The following EPG5 variants were observed in gnomAD, a reference collection of about 807,000 sequenced individuals.
EPG5 encodes the protein ectopic P-granules 5 autophagy tethering factor.
Under a neutral mutation model 302.7 loss-of-function variants are expected in EPG5, and 159 were observed. The observed-to-expected ratio is 0.53, with a 90% CI of 0.46 to 0.60. The LOEUF is 0.60. Among genes scored for constraint, EPG5 ranks in the 20% least tolerant of loss-of-function variants. EPG5 has a pLI of 0.00. For synonymous variants in EPG5, 1,158 were observed against 1,136.8 expected (o/e 1.02, Z -0.37); for missense variants, 2,896 against 3,092.4 (o/e 0.94, Z 1.51).
chr18:45,959,100 C>T (rs1222227367), intron 1 of EPG5, among the ~76,000 whole-genome samples: 1 of 152,206 alleles, frequency 6.6e-6, no homozygotes, highest in South Asian at 2.1e-4. Flanking sequence ...TGTTCTGTGT[C>T]AATTACTCTT....
At chr18:45,856,330 G>A (rs1360504574) in intron 42 of EPG5, among the ~76,000 whole-genome samples, 1 of 152,202 alleles carries the variant, frequency 6.6e-6, no homozygotes, top group Non-Finnish European at 1.5e-5. Context: ...TATATGAAAT[G>A]TCCAAAATAG....
chr18:45,835,330 T>C, the EPG5 span, among the ~76,000 whole-genome samples: 15 of 152,144 alleles, frequency 9.9e-5, no homozygotes, highest in Non-Finnish European at 4.4e-5. Flanking sequence ...AAAGTATACT[T>C]AAAATGACCC....
At chr18:45,932,940 G>A (rs1313732478) in intron 11 of EPG5, among the ~76,000 whole-genome samples, 1 of 152,084 alleles carries the variant, frequency 6.6e-6, no homozygotes. Flanking sequence ...GAGCTGAGCT[G>A]TTTGACATCG....
chr18:45,919,917 T>G lies in EPG5; in HGVS notation c.3099-2098A>C, dbSNP rs556953759. ...AAGTACAGGAAGCCGTTAATAACAC[T>G]AGAGCTACTGGAAACAATATAAAGA... is the stretch of plus-strand genomic sequence containing the variant. On this transcript the variant is annotated intron_variant, in intron 16 of 43. Coordinates refer to ENST00000282041, the MANE Select transcript of EPG5 (RefSeq NM_020964.3). Among the ~76,000 whole-genome samples, 8 of 152,336 alleles carry G rather than the reference T, an allele frequency of 5.3e-5. No individual in the cohort carries two copies. The South Asian group carries it at 1.7e-3, about 32-fold the overall frequency.
chr18:45,938,554 G>A (rs1199626285), intron 10 of EPG5, among the ~76,000 whole-genome samples: 1 of 151,814 alleles, frequency 6.6e-6, no homozygotes, highest in Non-Finnish European at 1.5e-5. Flanking sequence ...TTAACACTTA[G>A]CTAAGACCTC....
chr18:45,841,572 G>C, the EPG5 span, among the ~76,000 whole-genome samples: 181 of 152,298 alleles, frequency 1.2e-3, 1 homozygote, highest in Middle Eastern at 0.017. Context: ...GTGCAGGGGT[G>C]GCGGTGGGGA....
At chr18:45,873,104 T>TAA (rs2048905037) in intron 35 of EPG5, among the ~76,000 whole-genome samples, 1 of 152,240 alleles carries the variant, frequency 6.6e-6, no homozygotes, top group African/African-American at 2.4e-5. Flanking sequence ...GTTTCCTTTC[T>TAA]TTGAACCCAG....
At chr18:45,839,093 C>T in the EPG5 span, 1 of 1,401,786 alleles carries the variant, frequency 7.1e-7, no homozygotes, top group South Asian at 1.6e-5. Flanking sequence ...CGCCGCCGCC[C>T]AGGTGGGTGC....
chr18:45,829,320 C>G, the EPG5 span: 7 of 212,948 alleles, frequency 3.3e-5, no homozygotes, highest in Non-Finnish European at 4.9e-5. Flanking sequence ...TCCCGGGAAC[C>G]TTCAGGGTCT....
chr18:45,878,987 T>C, intron 33 of EPG5, 26 bp downstream of exon 33: 4 of 1,597,636 alleles, frequency 2.5e-6, no homozygotes, highest in Non-Finnish European at 3.4e-6. Flanking sequence ...AACACCTAGC[T>C]CCACATCGCA....
At chr18:45,959,424 A>T (rs921622095) in intron 1 of EPG5, among the ~76,000 whole-genome samples, 3 of 151,992 alleles carry the variant, frequency 2.0e-5, no homozygotes, top group African/African-American at 7.3e-5. Flanking sequence ...AGGCAGGTGG[A>T]TTACGAGGTC....
the EPG5 span, chr18:45,842,581 GTCC>G: frequency 5.2e-5 from 10 of 191,250 alleles, no homozygotes; most frequent in Non-Finnish European, 9.8e-5. Flanking sequence ...GCCCAGTCTT[GTCC>G]TCCTCTGTCA....
intron 23 of EPG5, among the ~76,000 whole-genome samples, chr18:45,909,389 T>C (rs556797388): frequency 2.6e-5 from 4 of 152,236 alleles, no homozygotes; most frequent in Admixed American, 1.3e-4. Context: ...AAGTTCTCCT[T>C]CAACAAGCAA....
intron 23 of EPG5, among the ~76,000 whole-genome samples, chr18:45,909,907 C>A (rs2049850967): frequency 6.6e-6 from 1 of 152,198 alleles, no homozygotes; most frequent in South Asian, 2.1e-4. Context: ...GATCGTCTCA[C>A]TATAATCGTG....
At chr18:45,913,160 G>C (rs1325921309) in intron 21 of EPG5, among the ~76,000 whole-genome samples, 1 of 151,878 alleles carries the variant, frequency 6.6e-6, no homozygotes, top group East Asian at 1.9e-4. Flanking sequence ...TCAATCTTTT[G>C]AAAATTCAGA....
intron 27 of EPG5, among the ~76,000 whole-genome samples, chr18:45,898,645 G>T (rs912789416): frequency 6.6e-6 from 1 of 152,276 alleles, no homozygotes; most frequent in Admixed American, 6.5e-5. Flanking sequence ...TTCATCTTCA[G>T]GGGCTCCCTG....
chr18:45,915,466 A>T, intron 20 of EPG5, 45 bp downstream of exon 20: 2 of 1,330,784 alleles, frequency 1.5e-6, no homozygotes, highest in Non-Finnish European at 2.2e-6. Flanking sequence ...TCATGAGATT[A>T]AAGTTCACAA....
chr18:45,912,152 G>T (rs905351364), intron 22 of EPG5, 138 bp downstream of exon 22: 3 of 701,498 alleles, frequency 4.3e-6, no homozygotes, highest in South Asian at 3.3e-5. Context: ...GTCAAACATA[G>T]AGACAGAGAA....
intron 2 of EPG5, chr18:45,954,028 G>T: frequency 1.9e-6 from 1 of 537,020 alleles, no homozygotes; most frequent in Non-Finnish European, 2.4e-6. Context: ...CTGATTAGTT[G>T]CTAACATTTG....
Sources: allele counts gnomAD v4.1 joint callset (sites outside exome capture counted in the v4.1 genomes callset), GRCh38; gene constraint gnomAD v4.1.1; transcripts MANE v1.5; gene names NCBI Gene and HGNC (gene_info 2026-07-23, HGNC 2026-07-21).